The following LRMDA variants were observed in gnomAD, a reference collection of about 807,000 sequenced individuals.
The protein encoded by LRMDA is leucine-rich melanocyte differentiation-associated protein.
In LRMDA, 18 loss-of-function variants were observed where a neutral mutation model predicts 29.8. The observed-to-expected ratio is 0.60, with a 90% CI of 0.42 to 0.90. LRMDA has a LOEUF of 0.90. LRMDA is among the 40% of genes least tolerant of loss of function. The pLI, the probability that LRMDA is intolerant of heterozygous loss-of-function variation, is 0.00. For missense variants in LRMDA, 273 were observed against 273.9 expected, an observed-to-expected ratio of 1.00 and a Z score of 0.02; for synonymous variants, 125 against 109.4, an observed-to-expected ratio of 1.14 and a Z score of -0.89.
At chr10:76,551,296 G>A (rs1413677096) in intron 6 of LRMDA, among the ~76,000 whole-genome samples, 4 of 151,172 alleles carry the variant, frequency 2.6e-5, no homozygotes, top group Non-Finnish European at 5.9e-5. Flanking sequence ...TATTTAATCC[G>A]TATATATTTT....
At chr10:75,633,160 C>T (rs35537467) in intron 2 of LRMDA, among the ~76,000 whole-genome samples, 4,519 of 152,240 alleles carry the variant, frequency 0.03, 162 homozygotes, top group African/African-American at 0.078. Context: ...TTTTCACAGC[C>T]TTTGTGCGCA....
chr10:75,967,996 A>G (rs1846896783), intron 2 of LRMDA, among the ~76,000 whole-genome samples: 1 of 152,118 alleles, frequency 6.6e-6, no homozygotes. Flanking sequence ...CCTTAGATTA[A>G]AGGCGAAGTG....
At chr10:76,026,395 C>G (rs1848063336) in intron 2 of LRMDA, among the ~76,000 whole-genome samples, 1 of 152,194 alleles carries the variant, frequency 6.6e-6, no homozygotes, top group Non-Finnish European at 1.5e-5. Flanking sequence ...CTTTACCTCT[C>G]TGGACATTAG....
chr10:76,195,955 A>G (rs913979623), intron 5 of LRMDA, among the ~76,000 whole-genome samples: 1 of 152,244 alleles, frequency 6.6e-6, no homozygotes, highest in Non-Finnish European at 1.5e-5. Flanking sequence ...GCATTGTGCC[A>G]CATTACAAGA....
chr10:76,085,719 T>C (rs1400111148), intron 5 of LRMDA, among the ~76,000 whole-genome samples: 7 of 152,166 alleles, frequency 4.6e-5, no homozygotes, highest in Non-Finnish European at 7.3e-5. Flanking sequence ...GGGAGGACAG[T>C]CCTGCCTGGA....
At chr10:75,594,595 G>A (rs185214288) in intron 2 of LRMDA, among the ~76,000 whole-genome samples, 58 of 152,322 alleles carry the variant, frequency 3.8e-4, no homozygotes, top group African/African-American at 1.3e-3. Context: ...CAATGGGCCA[G>A]TGTAGCTGTA....
At chr10:75,884,092 A>T (rs1845339175) in intron 2 of LRMDA, among the ~76,000 whole-genome samples, 1 of 151,862 alleles carries the variant, frequency 6.6e-6, no homozygotes, top group South Asian at 2.1e-4. Context: ...ATACGTGAAC[A>T]TTTGTATATT....
At chr10:76,527,657 G>A (rs1378421085) in intron 6 of LRMDA, among the ~76,000 whole-genome samples, 2 of 152,110 alleles carry the variant, frequency 1.3e-5, no homozygotes, top group African/African-American at 4.8e-5. Flanking sequence ...ATGAGATAAT[G>A]TACCTACTTA....
intron 1 of LRMDA, among the ~76,000 whole-genome samples, chr10:75,436,637 T>G (rs919014679): frequency 2.6e-5 from 4 of 151,998 alleles, no homozygotes; most frequent in Admixed American, 2.6e-4. Context: ...CCGGCTAATA[T>G]TTTTTGTATT....
intron 2 of LRMDA, among the ~76,000 whole-genome samples, chr10:75,682,056 CCTT>C (rs1193131095): frequency 2.0e-5 from 3 of 152,156 alleles, no homozygotes; most frequent in Non-Finnish European, 4.4e-5. Context: ...CATTGTAACT[CCTT>C]CTTTAATTTG....
intron 2 of LRMDA, among the ~76,000 whole-genome samples, chr10:75,613,051 G>T (rs762760670): frequency 1.3e-5 from 2 of 151,900 alleles, no homozygotes; most frequent in Non-Finnish European, 2.9e-5. Context: ...CCTGGGCAAG[G>T]CTGTCTTCAC....
chr10:76,032,688 G>A (rs1848169674), intron 2 of LRMDA, among the ~76,000 whole-genome samples: 1 of 152,106 alleles, frequency 6.6e-6, no homozygotes, highest in African/African-American at 2.4e-5. Context: ...GGGGGAGGCA[G>A]GCAGCCTGCA....
chr10:75,760,154 A>G (rs1170913755), intron 2 of LRMDA, among the ~76,000 whole-genome samples: 1 of 152,238 alleles, frequency 6.6e-6, no homozygotes, highest in Non-Finnish European at 1.5e-5. Context: ...TTTGAAACCA[A>G]TTCCCTGTTG....
chr10:75,721,523 T>C (rs1842566700), intron 2 of LRMDA, among the ~76,000 whole-genome samples: 1 of 152,178 alleles, frequency 6.6e-6, no homozygotes, highest in Non-Finnish European at 1.5e-5. Flanking sequence ...GTCCCTTGAC[T>C]TTTACAATGG....
intron 6 of LRMDA, among the ~76,000 whole-genome samples, chr10:76,514,462 G>C (rs557737477): frequency 3.9e-5 from 6 of 152,312 alleles, no homozygotes; most frequent in Admixed American, 1.3e-4. Flanking sequence ...CACCAGGAAG[G>C]TGTGAAAATA....
intron 5 of LRMDA, among the ~76,000 whole-genome samples, chr10:76,230,778 C>T (rs1852044880): frequency 6.6e-6 from 1 of 152,110 alleles, no homozygotes; most frequent in Non-Finnish European, 1.5e-5. Flanking sequence ...ATCCATCTCC[C>T]ATACATTGTA....
intron 2 of LRMDA, among the ~76,000 whole-genome samples, chr10:75,781,489 G>A (rs1189282292): frequency 1.3e-5 from 2 of 152,210 alleles, no homozygotes. Context: ...AAATGGGTTA[G>A]AGTATACCGT....
chr10:75,725,211 A>T (rs984371596), intron 2 of LRMDA, among the ~76,000 whole-genome samples: 2 of 152,132 alleles, frequency 1.3e-5, no homozygotes, highest in African/African-American at 4.8e-5. Context: ...CTTTTTTCCC[A>T]AAGGCCAGTG....
At chr10:76,504,778 G>A (rs541255123) in intron 6 of LRMDA, among the ~76,000 whole-genome samples, 3 of 152,124 alleles carry the variant, frequency 2.0e-5, no homozygotes, top group Non-Finnish European at 2.9e-5. Flanking sequence ...CCTTTTAAGT[G>A]GGGTGTTTAG....
Sources: allele counts gnomAD v4.1 joint callset (sites outside exome capture counted in the v4.1 genomes callset), GRCh38; gene constraint gnomAD v4.1.1; transcripts MANE v1.5; gene names NCBI Gene and HGNC (gene_info 2026-07-23, HGNC 2026-07-21).